The following NSMCE4A variants were observed in gnomAD, a reference collection of about 807,000 sequenced individuals.
The protein encoded by NSMCE4A is non-structural maintenance of chromosomes element 4 homolog A.
A neutral mutation model predicts 47.9 loss-of-function variants in NSMCE4A; 40 were observed. The ratio of observed to expected loss-of-function variants is 0.83; its 90% CI spans 0.65 to 1.09. The LOEUF is 1.09. NSMCE4A is among the 50% of genes least tolerant of loss of function. The pLI, the probability that NSMCE4A is intolerant of heterozygous loss-of-function variation, is 0.00. For synonymous variants in NSMCE4A, 166 were observed against 178.5 expected, an observed-to-expected ratio of 0.93 and a Z score of 0.56; for missense variants, 500 against 507.0, an observed-to-expected ratio of 0.99 and a Z score of 0.13.
intron 6 of NSMCE4A, among the ~76,000 whole-genome samples, chr10:121,962,536 G>A (rs1335296805): frequency 6.6e-6 from 1 of 152,014 alleles, no homozygotes; most frequent in East Asian, 1.9e-4. Flanking sequence ...ATGAAATGAT[G>A]TGGAAGAATG....
At chr10:121,958,210 A>T (rs1952434767) in intron 10 of NSMCE4A, among the ~76,000 whole-genome samples, 1 of 152,174 alleles carries the variant, frequency 6.6e-6, no homozygotes, top group African/African-American at 2.4e-5. Context: ...CCTGGGGGTG[A>T]CAGAGCAAGA....
chr10:121,959,456 G>A (rs1293790361), intron 9 of NSMCE4A, 45 bp downstream of exon 9: 1 of 1,609,646 alleles, frequency 6.2e-7, no homozygotes, highest in African/African-American at 1.3e-5. Context: ...TACTGCAAGT[G>A]AAGGCAGAGT....
At chr10:121,971,620 T>C (rs1233380737) in intron 2 of NSMCE4A, among the ~76,000 whole-genome samples, 1 of 152,214 alleles carries the variant, frequency 6.6e-6, no homozygotes, top group Non-Finnish European at 1.5e-5. Context: ...TCTCCTACTG[T>C]TAGCTGAATC....
At chr10:121,973,946 T>C in intron 2 of NSMCE4A, 58 bp downstream of exon 2, 1 of 1,214,156 alleles carries the variant, frequency 8.2e-7, no homozygotes, top group Non-Finnish European at 1.2e-6. Context: ...TTGGCGCTTA[T>C]GTAACACTAA....
intron 10 of NSMCE4A, among the ~76,000 whole-genome samples, chr10:121,957,742 T>G (rs1294669816): frequency 6.6e-6 from 1 of 151,902 alleles, no homozygotes; most frequent in African/African-American, 2.4e-5. Context: ...CCTATTCCCT[T>G]CATTTAAAAT....
chr10:121,971,170 T>TAC, intron 2 of NSMCE4A, 101 bp from the exon 3 acceptor site: 1 of 671,552 alleles, frequency 1.5e-6, no homozygotes, highest in Non-Finnish European at 2.2e-6. Flanking sequence ...CCCACTGGAC[T>TAC]AAAAAAAAAA....
intron 4 of NSMCE4A, chr10:121,965,788 G>A (rs1266512692): frequency 6.1e-6 from 1 of 163,868 alleles, no homozygotes; most frequent in Non-Finnish European, 1.3e-5. Context: ...GGCCAAGGCA[G>A]AGGCTCCCAG....
chr10:121,963,499 C>T (rs1459521959), intron 5 of NSMCE4A, among the ~76,000 whole-genome samples, 171 bp from the exon 6 acceptor site: 3 of 151,488 alleles, frequency 2.0e-5, no homozygotes, highest in Admixed American at 1.3e-4. Context: ...TGCATGATCT[C>T]GGCTCACTGT....
chr10:121,961,321 C>T, intron 7 of NSMCE4A, 102 bp downstream of exon 7: 1 of 692,958 alleles, frequency 1.4e-6, no homozygotes, highest in Non-Finnish European at 2.3e-6. Flanking sequence ...CATATACTGG[C>T]TAGTGTATAC....
intron 6 of NSMCE4A, among the ~76,000 whole-genome samples, chr10:121,962,502 G>A (rs913472248): frequency 6.6e-6 from 1 of 151,868 alleles, no homozygotes; most frequent in Non-Finnish European, 1.5e-5. Flanking sequence ...ATGGGAATCA[G>A]TGAACAAAAC....
chr10:121,961,572 C>T, intron 6 of NSMCE4A, 55 bp from the exon 7 acceptor site: 1 of 1,056,654 alleles, frequency 9.5e-7, no homozygotes, highest in Non-Finnish European at 1.4e-6. Flanking sequence ...AATATCAGTA[C>T]ACTCTAGCGT....
At chr10:121,959,254 G>A in intron 10 of NSMCE4A, 70 bp downstream of exon 10, 3 of 1,358,292 alleles carry the variant, frequency 2.2e-6, no homozygotes, top group Non-Finnish European at 3.2e-6. Flanking sequence ...CTGGAATGGG[G>A]AAAAGGGATA....
At chr10:121,967,528 CA>C (rs1952629233) in intron 4 of NSMCE4A, 126 bp downstream of exon 4, 1 of 1,063,640 alleles carries the variant, frequency 9.4e-7, no homozygotes, top group Non-Finnish European at 1.3e-6. Flanking sequence ...ATCAAAGTTT[CA>C]AAAGTCTCCA....
Position 121,961,449 on chromosome 10 carries a change from T to A in NSMCE4A, c.913A>T (p.Ile305Phe), listed in dbSNP as rs1952495704. The change falls in exon 7 of 11, where the codon ATC becomes TTC. Residue 305 changes from isoleucine to phenylalanine, a missense_variant. By Grantham distance (21) the Ile-to-Phe change is conservative. Transcript: ENST00000369023. Reference sequence around the variant, plus strand: ...CGTATAATGAAGGAAACATGAAAGATGTTTTCCACTGTACGGGGGAAAGAA... The same window carrying A: ...CGTATAATGAAGGAAACATGAAAGAAGTTTTCCACTGTACGGGGGAAAGAA... Reference protein sequence around the residue: ...PHSFPRTVENIFHVSFIIRDG... With the variant: ...PHSFPRTVENFFHVSFIIRDG... 1 of 1,574,688 alleles carries A rather than the reference T, an allele frequency of 6.4e-7. No homozygotes were observed. Among genetic ancestry groups the A allele is most frequent in the African/African-American group, 1.4e-5 (1 of 72,034 alleles).
chr10:121,966,076 G>A (rs1418112398), intron 4 of NSMCE4A: 1 of 152,118 alleles, frequency 6.6e-6, no homozygotes, highest in Non-Finnish European at 1.5e-5. Context: ...GCTCCACAAG[G>A]AGCAGTATAA....
At chr10:121,958,897 C>T (rs942918814) in intron 10 of NSMCE4A, among the ~76,000 whole-genome samples, 13 of 150,758 alleles carry the variant, frequency 8.6e-5, no homozygotes, top group Admixed American at 7.4e-4. Flanking sequence ...CCACTGCAAC[C>T]TCCACCTCCC....
intron 4 of NSMCE4A, 125 bp from the exon 5 acceptor site, chr10:121,965,510 C>A: frequency 1.5e-6 from 1 of 676,202 alleles, no homozygotes; most frequent in Admixed American, 2.7e-5. Context: ...GATATACAAG[C>A]TGACATCAGA....
intron 2 of NSMCE4A, 101 bp from the exon 3 acceptor site, chr10:121,971,170 TA>T (rs58195348): frequency 9.0e-3 from 6,002 of 665,230 alleles, no homozygotes; most frequent in South Asian, 0.015. Flanking sequence ...CCCACTGGAC[TA>T]AAAAAAAAAA....
chr10:121,969,260 A>T (rs756157197), intron 3 of NSMCE4A, among the ~76,000 whole-genome samples: 5 of 152,122 alleles, frequency 3.3e-5, no homozygotes, highest in Non-Finnish European at 7.4e-5. Flanking sequence ...GCTTGAACCC[A>T]GGAGGTGGAG....
Sources: gnomAD v4.1 joint callset for allele counts (sites outside exome capture counted in the v4.1 genomes callset) on GRCh38, gnomAD v4.1.1 for gene constraint, MANE v1.5 for transcripts, NCBI Gene and HGNC (gene_info 2026-07-23, HGNC 2026-07-21) for gene names.